Variants in CNTLN observed in about 807,000 individuals in gnomAD.
CNTLN encodes centlein, also known as centlein, centrosomal protein.
CNTLN carries 212 observed loss-of-function variants against 180.0 expected under a neutral mutation model. The ratio of observed to expected loss-of-function variants is 1.18; its 90% confidence interval spans 1.05 to 1.32. The LOEUF is 1.32. Among genes scored for constraint, CNTLN ranks in the 40% most tolerant of loss-of-function variants. The pLI is 0.00. For missense variants in CNTLN, 2,095 were observed against 1,610.9 expected, an observed-to-expected ratio of 1.30 and a Z score of -5.14; for synonymous variants, 722 against 563.1, an observed-to-expected ratio of 1.28 and a Z score of -3.99.
chr9:17,342,662 G>A (rs1821577736), intron 12 of CNTLN, among the ~76,000 whole-genome samples: 1 of 152,210 alleles, frequency 6.6e-6, no homozygotes, highest in African/African-American at 2.4e-5. Context: ...TGGATAATAT[G>A]ATCTAGGGAT....
intron 2 of CNTLN, among the ~76,000 whole-genome samples, chr9:17,188,276 A>T (rs900910688): frequency 2.0e-5 from 3 of 152,036 alleles, no homozygotes; most frequent in African/African-American, 7.2e-5. Flanking sequence ...TAGATTTGTT[A>T]TTTGTATTTC....
intron 13 of CNTLN, among the ~76,000 whole-genome samples, chr9:17,371,683 G>A (rs745527926): frequency 4.6e-5 from 7 of 151,998 alleles, no homozygotes; most frequent in Admixed American, 1.3e-4. Flanking sequence ...CCAGCACATC[G>A]ATCATTCTCG....
chr9:17,464,623 G>A lies in CNTLN; in HGVS notation c.3531G>A (p.Lys1177=), dbSNP rs780897757. The A allele has an allele frequency of 2.0e-5, 29 of 1,429,070 alleles. No individual in the cohort carries two copies. The highest frequency in any genetic ancestry group is 5.4e-5 in the Admixed American group (2 of 36,934). 88.5% of individuals were successfully genotyped at this position (1,429,070 alleles called of 1,614,324 possible). A position where few individuals can be genotyped will look rare whatever the true frequency, so the allele number is the denominator to read the frequency against. Residue 1177 remains lysine (K), a splice_region_variant and synonymous_variant, in exon 21 of 26, where the codon AAG becomes AAA. Transcript: ENST00000380647. ...AAATGTTACAAAATCTTGATAAAAA[G>A]GTATCAATTTTTATCTTTACTGACA... ...FSEMLQNLDK[K]VKTLTEECSN...
intron 2 of CNTLN, among the ~76,000 whole-genome samples, chr9:17,224,640 T>C (rs1002335229): frequency 4.6e-5 from 7 of 152,020 alleles, no homozygotes; most frequent in African/African-American, 1.4e-4. Context: ...TTGAGCTTAG[T>C]CCATTTAGTT....
chr9:17,409,522 C>T, intron 16 of CNTLN, 49 bp downstream of exon 16: 3 of 1,336,700 alleles, frequency 2.2e-6, no homozygotes, highest in Non-Finnish European at 3.1e-6. Flanking sequence ...TAAATTTTAT[C>T]TTATGCTTTA....
At chr9:17,455,957 A>G (rs1327134079) in intron 18 of CNTLN, among the ~76,000 whole-genome samples, 3 of 152,312 alleles carry the variant, frequency 2.0e-5, no homozygotes, top group African/African-American at 7.2e-5. Flanking sequence ...GCTTTGATTA[A>G]GGGAATAACT....
chr9:17,374,191 G>A (rs1007074935), intron 13 of CNTLN, among the ~76,000 whole-genome samples: 3 of 152,098 alleles, frequency 2.0e-5, no homozygotes, highest in Non-Finnish European at 4.4e-5. Context: ...CACAGAGTGG[G>A]AGACAATATT....
chr9:17,274,133 G>T, intron 6 of CNTLN, among the ~76,000 whole-genome samples: 1 of 151,914 alleles, frequency 6.6e-6, no homozygotes, highest in East Asian at 1.9e-4. Context: ...TTCATTCATT[G>T]TTTTCTTCTA....
intron 2 of CNTLN, among the ~76,000 whole-genome samples, chr9:17,152,365 G>A (rs1818949540): frequency 6.6e-6 from 1 of 152,058 alleles, no homozygotes; most frequent in Non-Finnish European, 1.5e-5. Flanking sequence ...TTGTCTCTTT[G>A]TTCTCATTGG....
chr9:17,199,527 A>C (rs1822379937), intron 2 of CNTLN, among the ~76,000 whole-genome samples: 1 of 152,006 alleles, frequency 6.6e-6, no homozygotes, highest in South Asian at 2.1e-4. Context: ...CTTTTTAATA[A>C]TCACCATTCT....
At chr9:17,316,846 A>G (rs1467839592) in intron 8 of CNTLN, among the ~76,000 whole-genome samples, 7 of 152,096 alleles carry the variant, frequency 4.6e-5, no homozygotes, top group Non-Finnish European at 7.4e-5. Context: ...ATAACTAACA[A>G]TTTACAGCAA....
At chr9:17,498,754 T>C (rs1174007503) in intron 25 of CNTLN, among the ~76,000 whole-genome samples, 1 of 152,192 alleles carries the variant, frequency 6.6e-6, no homozygotes, top group East Asian at 1.9e-4. Context: ...CTGGACTTTG[T>C]AATCCCTGGC....
At chr9:17,276,888 C>T (rs1410635451) in intron 6 of CNTLN, among the ~76,000 whole-genome samples, 1 of 151,686 alleles carries the variant, frequency 6.6e-6, no homozygotes, top group Non-Finnish European at 1.5e-5. Context: ...TGTTTTTGAT[C>T]TATTGTTGGT....
intron 19 of CNTLN, among the ~76,000 whole-genome samples, chr9:17,461,148 A>G (rs1021783774): frequency 1.3e-5 from 2 of 151,494 alleles, no homozygotes; most frequent in African/African-American, 4.8e-5. Flanking sequence ...ATATTAGTAT[A>G]TCATATATAA....
At chr9:17,453,852 A>G (rs1013618587) in intron 18 of CNTLN, among the ~76,000 whole-genome samples, 1 of 152,174 alleles carries the variant, frequency 6.6e-6, no homozygotes, top group East Asian at 1.9e-4. Flanking sequence ...CAACGGGGGA[A>G]TCTCCCTGAT....
intron 1 of CNTLN, among the ~76,000 whole-genome samples, chr9:17,141,799 A>G (rs1161537359): frequency 6.6e-6 from 1 of 152,000 alleles, no homozygotes; most frequent in Non-Finnish European, 1.5e-5. Flanking sequence ...AATAACCAAG[A>G]TTGGCTGGGC....
Position 17,353,396 on chromosome 9 carries a change from T to TTTTGTA in CNTLN, c.1886+10955_1886+10960dup, listed in dbSNP as rs1434510673. Among the ~76,000 whole-genome samples, 19 of 151,978 alleles carry TTTTGTA rather than the reference T, an allele frequency of 1.3e-4. 1 individual carries two copies. The highest frequency in any genetic ancestry group is 4.1e-4 in the African/African-American group (17 of 41,518). ...CAATACTTGTTATGGTCTGTTTTTG[T>TTTTGTA]TTTGTATTATTTTTGTTCTTTATTA... On this transcript the variant is annotated intron_variant, in intron 12 of 25. Transcript: ENST00000380647.
chr9:17,401,370 A>G (rs990786769), intron 15 of CNTLN, among the ~76,000 whole-genome samples: 1 of 151,734 alleles, frequency 6.6e-6, no homozygotes, highest in Admixed American at 6.6e-5. Flanking sequence ...CAAAATCCAT[A>G]TAGAGATTTT....
intron 16 of CNTLN, among the ~76,000 whole-genome samples, chr9:17,414,715 G>C (rs907381996): frequency 6.6e-6 from 1 of 152,164 alleles, no homozygotes; most frequent in Non-Finnish European, 1.5e-5. Flanking sequence ...TTTGTTGCTG[G>C]ATTGGGATCT....
Sources: allele counts gnomAD v4.1 joint callset (sites outside exome capture counted in the v4.1 genomes callset), GRCh38; gene constraint gnomAD v4.1.1; transcripts MANE v1.5; gene names NCBI Gene and HGNC (gene_info 2026-07-23, HGNC 2026-07-21).